Variants in RGS6 observed in about 807,000 individuals in gnomAD.
The protein encoded by RGS6 is regulator of G-protein signaling 6.
In RGS6, 30 loss-of-function variants were observed where a neutral mutation model predicts 78.5. The observed-to-expected ratio is 0.38, with a 90% CI of 0.29 to 0.52. The LOEUF (loss-of-function observed/expected upper bound fraction) is 0.52. RGS6 is among the 20% of genes least tolerant of loss of function. RGS6 has a pLI of 0.85. For missense variants in RGS6, 495 were observed against 609.7 expected (o/e 0.81, Z 1.98); for synonymous variants, 206 against 206.0 (o/e 1.00, Z 0.00).
chr14:71,950,346 G>A (rs762621774), intron 1 of RGS6, among the ~76,000 whole-genome samples: 3 of 152,168 alleles, frequency 2.0e-5, no homozygotes, highest in Non-Finnish European at 2.9e-5. Flanking sequence ...TTAATAAATG[G>A]TGCTGGGAGA....
chr14:72,580,316 C>G, the RGS6 span, among the ~76,000 whole-genome samples: 5 of 137,346 alleles, frequency 3.6e-5, no homozygotes, highest in Admixed American at 7.1e-5. Flanking sequence ...GTCCCCCCCA[C>G]CCCGACCCCA....
intron 2 of RGS6, among the ~76,000 whole-genome samples, chr14:72,184,036 T>C (rs1198187473): frequency 6.6e-6 from 1 of 152,194 alleles, no homozygotes; most frequent in Non-Finnish European, 1.5e-5. Flanking sequence ...TTCTGTAATA[T>C]TGAATTCAAA....
the RGS6 span, among the ~76,000 whole-genome samples, chr14:71,892,256 C>T: frequency 3.9e-5 from 6 of 152,278 alleles, no homozygotes; most frequent in Admixed American, 6.5e-5. Context: ...GGTGGCTCAC[C>T]GCCTGAGAAA....
At chr14:72,287,849 A>G (rs2062864960) in intron 2 of RGS6, among the ~76,000 whole-genome samples, 1 of 152,196 alleles carries the variant, frequency 6.6e-6, no homozygotes, top group African/African-American at 2.4e-5. Context: ...ATCTATTGAG[A>G]TGATTGTGTG....
intron 2 of RGS6, among the ~76,000 whole-genome samples, chr14:72,014,707 C>T (rs1000576416): frequency 1.1e-4 from 17 of 152,224 alleles, no homozygotes; most frequent in African/African-American, 2.4e-5. Context: ...ACGTTCCCAG[C>T]ATGGATGTTA....
chr14:71,938,544 A>T (rs1255430608), intron 1 of RGS6, among the ~76,000 whole-genome samples: 1 of 152,180 alleles, frequency 6.6e-6, no homozygotes, highest in Non-Finnish European at 1.5e-5. Context: ...AACTGATGAT[A>T]GGGAACTCCC....
chr14:71,880,318 A>G, the RGS6 span, among the ~76,000 whole-genome samples: 1 of 152,244 alleles, frequency 6.6e-6, no homozygotes, highest in South Asian at 2.1e-4. Flanking sequence ...TCTGAGAGAA[A>G]TTCAAGCCAG....
intron 2 of RGS6, among the ~76,000 whole-genome samples, chr14:72,296,067 C>T (rs1460494587): frequency 6.6e-6 from 1 of 152,140 alleles, no homozygotes; most frequent in African/African-American, 2.4e-5. Flanking sequence ...TGTCTATCAC[C>T]ACACTTGGTT....
rs897557460 is a variant in RGS6, at chr14:72,564,977, G to C, written c.*2510G>C. On this transcript the variant is annotated 3_prime_UTR_variant, in exon 18 of 18. Transcript: ENST00000553525. ...AAGCTTTGCAAGAAGGGAGTGGAAC[G>C]AGGCTGCCTATCCAAGGTCCATCTA... 2 of 152,292 alleles carry C rather than the reference G, an allele frequency of 1.3e-5. No homozygotes were observed. The highest frequency in any genetic ancestry group is 2.4e-5 in the African/African-American group (1 of 41,460). The allele number at this position is 152,292 out of a possible 1,614,324, so 9.4% of individuals were successfully genotyped here.
upstream of RGS6, among the ~76,000 whole-genome samples, chr14:71,929,538 G>A (rs2087770672): frequency 6.6e-6 from 1 of 152,068 alleles, no homozygotes; most frequent in African/African-American, 2.4e-5. Context: ...TACCTCCCAA[G>A]TATTACAGCT....
the RGS6 span, among the ~76,000 whole-genome samples, chr14:72,609,250 C>T: frequency 6.6e-6 from 1 of 152,152 alleles, no homozygotes; most frequent in African/African-American, 2.4e-5. Flanking sequence ...CCACATTCTT[C>T]ATCTCATCAG....
intron 3 of RGS6, among the ~76,000 whole-genome samples, chr14:72,397,993 G>T (rs2091736693): frequency 6.6e-6 from 1 of 152,112 alleles, no homozygotes; most frequent in South Asian, 2.1e-4. Flanking sequence ...GTTCATCAAG[G>T]ATATTGGTCT....
chr14:72,064,072 G>T (rs1205840416), intron 2 of RGS6, among the ~76,000 whole-genome samples: 1 of 152,050 alleles, frequency 6.6e-6, no homozygotes, highest in East Asian at 1.9e-4. Flanking sequence ...AGGTAATCAT[G>T]GTCATAGTTT....
In RGS6 at chr14:72,205,398, C is replaced by T. The variant is rs183399106; in HGVS notation, c.85-146697C>T. On this transcript the variant is annotated intron_variant, in intron 2 of 17. Coordinates refer to ENST00000553525, the MANE Select transcript of RGS6 (RefSeq NM_001204424.2). ...GGAGGGCTTGCATATGACTATGCAA[C>T]GTGCAAGCAGGCTGCTTTTAAAACT... Among the ~76,000 whole-genome samples the T allele has an allele frequency of 2.9e-4, 44 of 152,298 alleles. 1 individual carries two copies. Among genetic ancestry groups the T allele is most frequent in the East Asian group, 2.3e-3 (12 of 5,180 alleles).
intron 17 of RGS6, among the ~76,000 whole-genome samples, chr14:72,560,557 G>T (rs936555281): frequency 5.3e-5 from 8 of 151,784 alleles, no homozygotes; most frequent in African/African-American, 1.9e-4. Flanking sequence ...AGAACCCGGG[G>T]CTGGGGGGAG....
intron 2 of RGS6, among the ~76,000 whole-genome samples, chr14:72,109,684 A>G (rs2153543151): frequency 6.6e-6 from 1 of 152,362 alleles, no homozygotes; most frequent in Non-Finnish European, 1.5e-5. Context: ...AGATTGACTT[A>G]CAGTATATAC....
intron 9 of RGS6, among the ~76,000 whole-genome samples, chr14:72,473,175 G>A (rs185733941): frequency 7.2e-5 from 11 of 152,328 alleles, no homozygotes; most frequent in African/African-American, 2.4e-4. Flanking sequence ...CGGGCATGGC[G>A]GCTCACGCCT....
intron 3 of RGS6, among the ~76,000 whole-genome samples, chr14:72,384,292 T>C (rs912866717): frequency 6.6e-6 from 1 of 152,190 alleles, no homozygotes; most frequent in African/African-American, 2.4e-5. Context: ...CATTTGAAAA[T>C]TGTTAAAGTG....
At chr14:72,039,464 A>G (rs1457724641) in intron 2 of RGS6, among the ~76,000 whole-genome samples, 1 of 152,088 alleles carries the variant, frequency 6.6e-6, no homozygotes, top group Non-Finnish European at 1.5e-5. Flanking sequence ...GTTTCTTCTG[A>G]CAGTTTTGAC....
Sources: allele counts gnomAD v4.1 joint callset (sites outside exome capture counted in the v4.1 genomes callset), GRCh38; gene constraint gnomAD v4.1.1; transcripts MANE v1.5; gene names NCBI Gene and HGNC (gene_info 2026-07-23, HGNC 2026-07-21).